The following MYO1H variants were observed in gnomAD, a reference collection of about 807,000 sequenced individuals.
MYO1H encodes myosin IH, also known as unconventional myosin-Ih.
A neutral mutation model predicts 149.3 loss-of-function variants in MYO1H; 118 were observed. The ratio of observed to expected loss-of-function variants is 0.79; its 90% CI spans 0.68 to 0.92. The LOEUF is 0.92. Among genes scored for constraint, MYO1H ranks in the 40% least tolerant of loss-of-function variants. The probability of loss-of-function intolerance (pLI) is 0.00; values close to 1 mark genes in which losing one functional copy is unlikely to be tolerated. For missense variants in MYO1H, 1,212 were observed against 1,280.7 expected (o/e 0.95, Z 0.82); for synonymous variants, 447 against 465.2 (o/e 0.96, Z 0.50).
chr12:109,409,648 A>G (rs767277416), intron 11 of MYO1H, 24 bp downstream of exon 11: 8 of 1,574,302 alleles, frequency 5.1e-6, no homozygotes, highest in East Asian at 2.2e-5. Context: ...TTACCTACCT[A>G]TCTGTCTTTT....
chr12:109,421,113 A>T, intron 16 of MYO1H, 86 bp downstream of exon 16: 4 of 755,974 alleles, frequency 5.3e-6, no homozygotes, highest in Non-Finnish European at 6.2e-6. Context: ...CGCCTTCTGG[A>T]TTTTTTTTTT....
At chr12:109,316,913 C>T in the MYO1H span, among the ~76,000 whole-genome samples, 1 of 152,132 alleles carries the variant, frequency 6.6e-6, no homozygotes, top group East Asian at 1.9e-4. Context: ...GTGTGCTTAG[C>T]TTTTGTGCTT....
rs762924460 is a variant in MYO1H, at chr12:109,396,369, T to C, written c.291-15T>C. ...CCATTAAAACGAATTTGTTTCCGTC[T>C]CACTCCTCCTCCAGCTACGCTATAG... On this transcript the variant is annotated splice_polypyrimidine_tract_variant and intron_variant, in intron 3 of 31. Coordinates refer to ENST00000310903, the Ensembl canonical transcript of MYO1H. 8 of 1,587,284 alleles carry C rather than the reference T, an allele frequency of 5.0e-6. No homozygotes were observed. The Admixed American group carries it at 1.2e-4, about 25-fold the overall frequency.
At chr12:109,412,781 T>C (rs1016639704) in intron 14 of MYO1H, among the ~76,000 whole-genome samples, 7 of 151,896 alleles carry the variant, frequency 4.6e-5, no homozygotes, top group Admixed American at 1.3e-4. Context: ...TTTTTTGTTT[T>C]TTGGTTTTGT....
the MYO1H span, among the ~76,000 whole-genome samples, chr12:109,320,598 T>G: frequency 7.8e-6 from 1 of 128,674 alleles, no homozygotes; most frequent in African/African-American, 3.0e-5. Context: ...CACTCCAGCC[T>G]GGGCAACAGA....
chr12:109,318,981 T>TTTTTTC, the MYO1H span, among the ~76,000 whole-genome samples: 1 of 49,674 alleles, frequency 2.0e-5, no homozygotes, highest in South Asian at 4.8e-4. Context: ...TGTTTTTTTT[T>TTTTTTC]TTTTTTTTTT....
At chr12:109,401,070 G>T in intron 5 of MYO1H, 23 bp from the exon 6 acceptor site, 2 of 1,606,702 alleles carry the variant, frequency 1.2e-6, no homozygotes, top group Non-Finnish European at 1.7e-6. Flanking sequence ...TGTCACTGCT[G>T]CAATTTTTGT....
chr12:109,409,321 G>C (rs1037047290), intron 10 of MYO1H, among the ~76,000 whole-genome samples: 1 of 127,604 alleles, frequency 7.8e-6, no homozygotes, highest in East Asian at 2.5e-4. Flanking sequence ...ACAAAGAAGT[G>C]AATCAGAAGG....
chr12:109,397,712 A>C lies in MYO1H; in HGVS notation c.490-20A>C. The C allele has an allele frequency of 1.2e-6, 2 of 1,601,488 alleles. No individual in the cohort carries two copies. Among genetic ancestry groups the C allele is most frequent in the Non-Finnish European group, 1.7e-6 (2 of 1,173,614 alleles). On this transcript the variant is annotated intron_variant, in intron 4 of 31. Coordinates refer to ENST00000310903, the Ensembl canonical transcript of MYO1H. ...GCATGGTGAGCTTAAATGACAGTGA[A>C]TGACACTTTGTATTCCAAGGCTTTT...
the MYO1H span, among the ~76,000 whole-genome samples, chr12:109,318,077 T>C: frequency 6.6e-6 from 1 of 152,156 alleles, no homozygotes; most frequent in South Asian, 2.1e-4. Context: ...ACAAAACATA[T>C]AGTTGTTGGT....
At chr12:109,430,872 G>A (rs967649282) in intron 19 of MYO1H, among the ~76,000 whole-genome samples, 1 of 152,164 alleles carries the variant, frequency 6.6e-6, no homozygotes, top group Non-Finnish European at 1.5e-5. Context: ...GTTGCAGTGA[G>A]CTGATATCGC....
the MYO1H span, among the ~76,000 whole-genome samples, chr12:109,327,754 A>G: frequency 2.9e-4 from 43 of 150,714 alleles, no homozygotes; most frequent in Non-Finnish European, 4.3e-4. Context: ...AAAAAAAAAA[A>G]AAAGAAAGAA....
the MYO1H span, among the ~76,000 whole-genome samples, chr12:109,340,400 C>G: frequency 6.6e-6 from 1 of 152,150 alleles, no homozygotes; most frequent in South Asian, 2.1e-4. Flanking sequence ...AACTCCTGAC[C>G]TTAGGTGATC....
chr12:109,340,461 C>T, the MYO1H span, among the ~76,000 whole-genome samples: 1 of 152,120 alleles, frequency 6.6e-6, no homozygotes, highest in African/African-American at 2.4e-5. Context: ...GAGCCAGGTG[C>T]CTAGCAAGAG....
chr12:109,401,327 T>C, intron 6 of MYO1H, 55 bp downstream of exon 6: 1 of 1,519,654 alleles, frequency 6.6e-7, no homozygotes, highest in Non-Finnish European at 8.9e-7. Flanking sequence ...GGATCAGAGA[T>C]GTTTCTACGT....
chr12:109,372,150 G>A (rs933712365), intron 1 of MYO1H, among the ~76,000 whole-genome samples: 2 of 152,012 alleles, frequency 1.3e-5, no homozygotes, highest in Admixed American at 6.6e-5. Flanking sequence ...TATTTTCTAC[G>A]TAGTTGAATG....
At chr12:109,427,086 C>T (rs758751119) in intron 18 of MYO1H, among the ~76,000 whole-genome samples, 12 of 151,844 alleles carry the variant, frequency 7.9e-5, no homozygotes, top group Admixed American at 4.6e-4. Context: ...GAGGCCGAGG[C>T]GGGTGGATCA....
exon 32 of MYO1H, chr12:109,447,473 CG>C (rs1872533998): frequency 1.9e-6 from 1 of 519,500 alleles, no homozygotes; most frequent in Admixed American, 3.1e-5. Context: ...CGCAGTCCAA[CG>C]TGTCATTAGA....
At chr12:109,318,985 T>TTTTTTTTTTTTTA in the MYO1H span, among the ~76,000 whole-genome samples, 1 of 146,326 alleles carries the variant, frequency 6.8e-6, no homozygotes, top group Non-Finnish European at 1.5e-5. Context: ...TTTTTTTTTT[T>TTTTTTTTTTTTTA]TTTTTTTTTG....
Sources: allele counts gnomAD v4.1 joint callset (sites outside exome capture counted in the v4.1 genomes callset), GRCh38; gene constraint gnomAD v4.1.1; transcripts MANE v1.5; gene names NCBI Gene and HGNC (gene_info 2026-07-23, HGNC 2026-07-21).